The following PHF21A variants were observed in gnomAD, a reference collection of about 807,000 sequenced individuals.
PHF21A encodes the protein PHD finger protein 21A.
A neutral mutation model predicts 82.5 loss-of-function variants in PHF21A; 11 were observed. The observed-to-expected ratio is 0.13, with a 90% CI of 0.08 to 0.22. The LOEUF is 0.22. Among genes scored for constraint, PHF21A ranks in the 10% least tolerant of loss-of-function variants. The probability of loss-of-function intolerance (pLI) is 1.00; values close to 1 mark genes in which losing one functional copy is unlikely to be tolerated. For synonymous variants in PHF21A, 297 were observed against 302.8 expected, an observed-to-expected ratio of 0.98 and a Z score of 0.20; for missense variants, 579 against 837.8, an observed-to-expected ratio of 0.69 and a Z score of 3.81.
chr11:46,074,051 T>C (rs1003880447), intron 6 of PHF21A, among the ~76,000 whole-genome samples: 1 of 151,792 alleles, frequency 6.6e-6, no homozygotes, highest in Non-Finnish European at 1.5e-5. Context: ...AAGATTGAAG[T>C]GGCAACAGTG....
chr11:45,934,192 G>A lies in PHF21A; in HGVS notation c.1822C>T (p.Arg608Trp), dbSNP rs749740019. The A allele has an allele frequency of 5.6e-6, 9 of 1,613,720 alleles. No homozygotes were observed. The highest frequency in any genetic ancestry group is 2.2e-5 in the South Asian group (2 of 91,082). ...AGGGAGCTGTGCATCTCCTTCTGCCGGGCCAGGATGGTGTTCTTCATTTCC... is the reference window on the plus strand; with the variant it reads ...AGGGAGCTGTGCATCTCCTTCTGCCAGGCCAGGATGGTGTTCTTCATTTCC... ...CMEMKNTILA[R>W]QKEMHSSLEK... Residue 608 changes from arginine (R) to tryptophan (W), a missense_variant, in exon 19 of 19, where the codon CGG becomes TGG. By Grantham distance (101) the Arg-to-Trp change is moderately radical. Around this residue, in one of 3 missense-constraint regions of PHF21A, gnomAD observed 157 missense variants for 149.4 expected, o/e 1.05. Transcript: ENST00000676320.
intron 6 of PHF21A, 148 bp from the exon 7 acceptor site, chr11:45,980,114 T>C (rs1200231389): frequency 8.5e-7 from 1 of 1,173,492 alleles, no homozygotes; most frequent in African/African-American, 1.5e-5. Context: ...ATGAAGAGCT[T>C]AAAGCATTTA....
chr11:46,064,539 T>A (rs766711485), intron 6 of PHF21A, among the ~76,000 whole-genome samples: 5 of 152,160 alleles, frequency 3.3e-5, no homozygotes, highest in Non-Finnish European at 7.4e-5. Context: ...TCTGAAAACA[T>A]AATTTTGCAG....
chr11:46,004,530 C>T (rs1165129017), intron 6 of PHF21A, among the ~76,000 whole-genome samples: 1 of 152,132 alleles, frequency 6.6e-6, no homozygotes, highest in African/African-American at 2.4e-5. Context: ...ATTTCATAAA[C>T]TGAAATATTT....
At chr11:45,994,492 G>T (rs984573994) in intron 6 of PHF21A, among the ~76,000 whole-genome samples, 1 of 152,126 alleles carries the variant, frequency 6.6e-6, no homozygotes, top group Non-Finnish European at 1.5e-5. Context: ...CCTCCTCCAC[G>T]TATCAGGCAA....
At chr11:45,987,128 C>T (rs2094517207) in intron 6 of PHF21A, among the ~76,000 whole-genome samples, 1 of 152,034 alleles carries the variant, frequency 6.6e-6, no homozygotes, top group South Asian at 2.1e-4. Flanking sequence ...TGCCTGTAGT[C>T]CCAGCTACTT....
At chr11:46,064,006 C>T (rs2096566249) in intron 6 of PHF21A, among the ~76,000 whole-genome samples, 1 of 152,150 alleles carries the variant, frequency 6.6e-6, no homozygotes, top group South Asian at 2.1e-4. Context: ...AAACAAATTT[C>T]AAGTTCTGTC....
In PHF21A at chr11:45,986,084, A is replaced by AACACACAC. The variant is rs60179976; in HGVS notation, c.154-6126_154-6119dup. Among the ~76,000 whole-genome samples the AACACACAC allele has an allele frequency of 9.1e-4, 120 of 132,282 alleles. 4 individuals carry two copies. The highest frequency in any genetic ancestry group is 8.8e-3 in the East Asian group (39 of 4,446). The allele number at this position is 132,282 out of a possible 152,430, so 86.8% of individuals were successfully genotyped here. On this transcript the variant is annotated intron_variant, in intron 6 of 18. Transcript: ENST00000676320. ...TCTTTGGGGCTTATTCTTCCTTCAA[A>AACACACAC]ACACACACACACACACACACACACA...
chr11:45,934,545 GT>G (rs2088348688), intron 18 of PHF21A: 1 of 258,456 alleles, frequency 3.9e-6, no homozygotes, highest in Non-Finnish European at 7.2e-6. Context: ...AACAAAGGTT[GT>G]TTAAAAAAAA....
At chr11:46,009,450 C>A (rs1453912319) in intron 6 of PHF21A, among the ~76,000 whole-genome samples, 1 of 152,114 alleles carries the variant, frequency 6.6e-6, no homozygotes, top group Non-Finnish European at 1.5e-5. Context: ...CCTATTATAC[C>A]AAGTGTCTGA....
chr11:45,958,445 T>TAC lies in PHF21A; in HGVS notation c.997-4821_997-4820insGT, dbSNP rs1280689117. ...ATATATATATATATATATATATATA[T>TAC]ATATACACACACACACACACACACA... On this transcript the variant is annotated intron_variant, in intron 10 of 18. Coordinates refer to ENST00000676320, the MANE Select transcript of PHF21A (RefSeq NM_001352027.3). Among the ~76,000 whole-genome samples the TAC allele has an allele frequency of 3.4e-3, 53 of 15,374 alleles. 1 individual carries two copies. Among genetic ancestry groups the TAC allele is most frequent in the African/African-American group, 4.1e-3 (29 of 7,100 alleles). The allele number at this position is 15,374 out of a possible 152,430, so 10.1% of individuals were successfully genotyped here.
chr11:46,101,688 A>G (rs1018039202), intron 1 of PHF21A, among the ~76,000 whole-genome samples: 1 of 152,080 alleles, frequency 6.6e-6, no homozygotes, highest in Non-Finnish European at 1.5e-5. Context: ...GCTGGAGTGC[A>G]GTGGCATGGC....
intron 6 of PHF21A, among the ~76,000 whole-genome samples, chr11:45,996,462 C>CCTAT (rs1227516878): frequency 6.6e-6 from 1 of 152,094 alleles, no homozygotes; most frequent in Non-Finnish European, 1.5e-5. Flanking sequence ...TAAGTCTGTC[C>CCTAT]CTATCATCCT....
intron 15 of PHF21A, among the ~76,000 whole-genome samples, chr11:45,939,027 G>A (rs991200754): frequency 2.0e-5 from 3 of 152,054 alleles, no homozygotes; most frequent in African/African-American, 7.2e-5. Flanking sequence ...TAGAGACGGG[G>A]TTTCACGTGT....
chr11:45,988,348 C>T (rs188576836), intron 6 of PHF21A, among the ~76,000 whole-genome samples: 92 of 152,008 alleles, frequency 6.1e-4, no homozygotes, highest in Non-Finnish European at 1.2e-3. Flanking sequence ...CAGAAAAAGA[C>T]AATAATATTA....
At chr11:46,111,189 C>T (rs900664034) in intron 1 of PHF21A, among the ~76,000 whole-genome samples, 5 of 151,136 alleles carry the variant, frequency 3.3e-5, no homozygotes, top group Non-Finnish European at 7.4e-5. Context: ...ATTTCTTGGG[C>T]CAGGCGTGGT....
At chr11:46,000,573 A>C (rs1028127955) in intron 6 of PHF21A, among the ~76,000 whole-genome samples, 1 of 152,190 alleles carries the variant, frequency 6.6e-6, no homozygotes, top group Admixed American at 6.5e-5. Context: ...TGATCTGTCA[A>C]ATTCAATTGT....
At position 45,936,487 on chromosome 11, in the gene PHF21A, T is replaced by C. The variant is rs201402902; in HGVS notation, c.1684+7A>G. 79 of 1,593,028 alleles carry C rather than the reference T, an allele frequency of 5.0e-5. No individual in the cohort carries two copies. The highest frequency in any genetic ancestry group is 6.3e-5 in the Non-Finnish European group (73 of 1,161,534). ...TTACAAAAAAGTGGGTATGGATAACTCCTTACCTGCTTTGTAGGCAATATA... is the reference window on the plus strand; with the variant it reads ...TTACAAAAAAGTGGGTATGGATAACCCCTTACCTGCTTTGTAGGCAATATA... On this transcript the variant is annotated splice_region_variant and intron_variant, in intron 17 of 18. Transcript: ENST00000676320.
intron 6 of PHF21A, among the ~76,000 whole-genome samples, chr11:46,071,908 C>A (rs114940648): frequency 1.3e-5 from 2 of 151,790 alleles, no homozygotes; most frequent in Non-Finnish European, 2.9e-5. Flanking sequence ...CAAGACACAC[C>A]GTTCTATAAA....
Sources: gnomAD v4.1 joint callset for allele counts (sites outside exome capture counted in the v4.1 genomes callset) on GRCh38, gnomAD v4.1.1 for gene constraint, gnomAD v4.1.1 regional missense constraint, MANE v1.5 for transcripts, NCBI Gene and HGNC (gene_info 2026-07-23, HGNC 2026-07-21) for gene names.